The following PCLO variants were observed in gnomAD, a reference collection of about 807,000 sequenced individuals.
PCLO encodes the protein protein piccolo.
Under a neutral mutation model 427.5 loss-of-function variants are expected in PCLO, and 82 were observed. That is an observed-to-expected ratio of 0.19 (90% confidence interval 0.16 to 0.23). PCLO has a LOEUF of 0.23. Among genes scored for constraint, PCLO ranks in the 10% least tolerant of loss-of-function variants. The pLI, the probability that PCLO is intolerant of heterozygous loss-of-function variation, is 1.00. For missense variants in PCLO, 6,239 were observed against 6,115.9 expected, an observed-to-expected ratio of 1.02 and a Z score of -0.67; for synonymous variants, 2,357 against 2,155.4, an observed-to-expected ratio of 1.09 and a Z score of -2.59.
intron 10 of PCLO, among the ~76,000 whole-genome samples, chr7:82,866,232 C>T (rs144055044): frequency 2.0e-5 from 3 of 151,954 alleles, no homozygotes; most frequent in Non-Finnish European, 2.9e-5. Context: ...TTTCTCTTAC[C>T]ACCTCACCTC....
chr7:82,834,040 C>G (rs1792164403), intron 16 of PCLO, among the ~76,000 whole-genome samples: 1 of 152,058 alleles, frequency 6.6e-6, no homozygotes, highest in Non-Finnish European at 1.5e-5. Flanking sequence ...ATTGACAATT[C>G]TCAAAGACAT....
intron 22 of PCLO, among the ~76,000 whole-genome samples, chr7:82,796,002 T>G (rs531818125): frequency 6.6e-6 from 1 of 152,306 alleles, no homozygotes; most frequent in African/African-American, 2.4e-5. Flanking sequence ...TATTGAAAAC[T>G]ACTATTTCAG....
rs568087686 is a variant in PCLO, at chr7:82,758,450, T to G, written c.*125A>C. On this transcript the variant is annotated 3_prime_UTR_variant, in exon 25 of 25. Coordinates refer to ENST00000333891, the MANE Select transcript of PCLO (RefSeq NM_033026.6). ...TAAATGTACAAGGTCTTAAGTATGT[T>G]TTTGCTTGTTGTTCCCACTCTTATG... The G allele has an allele frequency of 4.4e-6, 3 of 682,536 alleles. No homozygotes were observed. In the South Asian group the frequency reaches 7.4e-5, roughly 17 times the overall value. 42.3% of individuals were successfully genotyped at this position (682,536 alleles called of 1,614,324 possible).
chr7:82,826,616 T>G lies in PCLO; in HGVS notation c.14388A>C (p.Arg4796Ser). Reference protein sequence around the residue: ...TLEVTVWDYDRFSSNDFLGEV... With the variant: ...TLEVTVWDYDSFSSNDFLGEV... ...CCCCAAGGAAGTCGTTGGATGAAAA[T>G]CTATCATAATCCCAAACTGTCACCT... Residue 4796 changes from arginine (R) to serine (S), a missense_variant, in exon 18 of 25, where the codon AGA (arginine) becomes AGC (serine). Arg to Ser is a moderately radical substitution (Grantham distance 110). Transcript: ENST00000333891. 1 of 1,607,716 alleles carries G rather than the reference T, an allele frequency of 6.2e-7. No individual in the cohort carries two copies. Among genetic ancestry groups the G allele is most frequent in the Non-Finnish European group, 8.5e-7 (1 of 1,176,134 alleles).
intron 10 of PCLO, among the ~76,000 whole-genome samples, chr7:82,865,549 C>T (rs536736026): frequency 1.1e-4 from 17 of 151,928 alleles, no homozygotes; most frequent in Non-Finnish European, 2.2e-4. Context: ...TGGTATATTT[C>T]CTACTAAAAT....
intron 3 of PCLO, 144 bp from the exon 4 acceptor site, chr7:82,966,631 A>G (rs1774190442): frequency 2.1e-6 from 1 of 473,204 alleles, no homozygotes; most frequent in Non-Finnish European, 3.7e-6. Flanking sequence ...AAATCCAATG[A>G]CGCAGTAATT....
Position 82,915,831 on chromosome 7 carries a change from A to G in PCLO, c.12155T>C (p.Ile4052Thr), listed in dbSNP as rs374672016. Residue 4052 changes from isoleucine (I) to threonine (T), a missense_variant, in exon 7 of 25, where the codon ATT (isoleucine) becomes ACT (threonine). Ile to Thr is a moderately conservative substitution (Grantham distance 89, BLOSUM62 -1). Transcript: ENST00000333891. ...TPRNYVLIDDIGEITKGTAAL... is the reference protein window; with the variant it reads ...TPRNYVLIDDTGEITKGTAAL... Reference sequence around the variant, plus strand: ...CGCTGTTCCTTTGGTGATCTCTCCAATGTCGTCAATTAGGACATAATTTCG... The same window carrying G: ...CGCTGTTCCTTTGGTGATCTCTCCAGTGTCGTCAATTAGGACATAATTTCG... The G allele has an allele frequency of 9.9e-6, 16 of 1,613,476 alleles. No individual in the cohort carries two copies. The highest frequency in any genetic ancestry group is 1.7e-5 in the Admixed American group (1 of 59,942).
chr7:82,834,192 T>C (rs1792168655), intron 16 of PCLO, among the ~76,000 whole-genome samples: 1 of 152,144 alleles, frequency 6.6e-6, no homozygotes, highest in African/African-American at 2.4e-5. Flanking sequence ...ATTCTGATAA[T>C]TTTCCCCAAG....
At chr7:82,893,900 C>T (rs1025810807) in intron 9 of PCLO, among the ~76,000 whole-genome samples, 2 of 151,684 alleles carry the variant, frequency 1.3e-5, no homozygotes, top group African/African-American at 4.8e-5. Flanking sequence ...TTTTTATGCA[C>T]ACGAAATCAA....
At chr7:82,887,754 G>A (rs1256244824) in intron 9 of PCLO, among the ~76,000 whole-genome samples, 2 of 152,170 alleles carry the variant, frequency 1.3e-5, no homozygotes, top group Admixed American at 1.3e-4. Context: ...TTCAATCTGA[G>A]CTTTACTCTA....
At chr7:82,848,504 T>C in intron 10 of PCLO, among the ~76,000 whole-genome samples, 1 of 151,560 alleles carries the variant, frequency 6.6e-6, no homozygotes, top group Non-Finnish European at 1.5e-5. Context: ...AGAGACAGAG[T>C]TTCACCATGT....
At position 82,916,200 on chromosome 7, in the gene PCLO, T is replaced by C; in HGVS notation, c.11786A>G (p.Gln3929Arg). 1 of 1,613,610 alleles carries C rather than the reference T, an allele frequency of 6.2e-7. No individual in the cohort carries two copies. Among genetic ancestry groups the C allele is most frequent in the Non-Finnish European group, 8.5e-7 (1 of 1,179,690 alleles). Residue 3929 changes from glutamine to arginine, a missense_variant, in exon 7 of 25, where the codon CAA (glutamine) becomes CGA (arginine). Physicochemically the swap from Gln to Arg is conservative, Grantham distance 43 (BLOSUM62 1). Around this residue, in one of 5 missense-constraint regions of PCLO, gnomAD observed 680 missense variants for 677.3 expected, o/e 1.00. Coordinates refer to ENST00000333891, the MANE Select transcript of PCLO (RefSeq NM_033026.6). ...VSPYQTQPTFQAVATMSFTPQ... is the reference protein window; with the variant it reads ...VSPYQTQPTFRAVATMSFTPQ... ...TGTGAAGGACATTGTTGCCACAGCT[T>C]GGAATGTTGGCTGAGTCTGATAAGG...
intron 3 of PCLO, among the ~76,000 whole-genome samples, chr7:83,032,484 C>A (rs1788696789): frequency 6.9e-6 from 1 of 145,928 alleles, no homozygotes; most frequent in Non-Finnish European, 1.5e-5. Context: ...TCCTTCCCTT[C>A]CTTCCCTTGC....
chr7:82,842,922 T>C (rs994599005), intron 13 of PCLO, among the ~76,000 whole-genome samples: 1 of 152,044 alleles, frequency 6.6e-6, no homozygotes, highest in Non-Finnish European at 1.5e-5. Context: ...GGTGAGAATG[T>C]GGAGAAAGGG....
intron 9 of PCLO, among the ~76,000 whole-genome samples, chr7:82,880,835 A>G (rs140819405): frequency 1.3e-4 from 20 of 152,346 alleles, no homozygotes; most frequent in African/African-American, 3.8e-4. Context: ...TAAAAATTAG[A>G]AAGATTGACA....
At position 82,757,796 on chromosome 7, in the gene PCLO, G is replaced by T. The variant is rs2129467427; in HGVS notation, c.*779C>A. The T allele has an allele frequency of 6.6e-6, 1 of 151,728 alleles. No homozygotes were observed. Among genetic ancestry groups the T allele is most frequent in the East Asian group, 1.9e-4 (1 of 5,160 alleles). 9.4% of individuals were successfully genotyped at this position (151,728 alleles called of 1,614,324 possible). A position where few individuals can be genotyped will look rare whatever the true frequency, so the allele number is the denominator to read the frequency against. ...TCAACCAAAATTCCAATATTTTATG[G>T]GGCAACATTCTTCTTTGTTAGCCAG... On this transcript the variant is annotated 3_prime_UTR_variant, in exon 25 of 25. Coordinates refer to ENST00000333891, the MANE Select transcript of PCLO (RefSeq NM_033026.6).
intron 6 of PCLO, among the ~76,000 whole-genome samples, chr7:82,928,467 A>G (rs1191156147): frequency 6.6e-6 from 1 of 152,092 alleles, no homozygotes; most frequent in Non-Finnish European, 1.5e-5. Flanking sequence ...CATGACCTCC[A>G]CCTCACAGGT....
chr7:82,838,568 G>A (rs1792286962), intron 14 of PCLO, among the ~76,000 whole-genome samples: 1 of 151,710 alleles, frequency 6.6e-6, no homozygotes. Context: ...CAGTGAAAAG[G>A]CCTGGCCTGT....
At chr7:83,107,523 G>A (rs1790887788) in intron 3 of PCLO, among the ~76,000 whole-genome samples, 1 of 151,778 alleles carries the variant, frequency 6.6e-6, no homozygotes, top group Non-Finnish European at 1.5e-5. Context: ...AATTAATTTT[G>A]AGTTGGTATT....
Sources: gnomAD v4.1 joint callset for allele counts (sites outside exome capture counted in the v4.1 genomes callset) on GRCh38, gnomAD v4.1.1 for gene constraint, gnomAD v4.1.1 regional missense constraint, MANE v1.5 for transcripts, NCBI Gene and HGNC (gene_info 2026-07-23, HGNC 2026-07-21) for gene names.